EFCAB3: variants seen among roughly 807,000 people sequenced by gnomAD.
EFCAB3 encodes the protein EF-hand calcium binding domain 3, also known as EF-hand calcium-binding domain-containing protein 3.
EFCAB3 carries 36 observed loss-of-function variants against 42.2 expected under a neutral mutation model. That is an observed-to-expected ratio of 0.85 (90% CI 0.65 to 1.13). The LOEUF is 1.13. Among genes scored for constraint, EFCAB3 ranks in the 50% most tolerant of loss-of-function variants. The pLI, the probability that EFCAB3 is intolerant of heterozygous loss-of-function variation, is 0.00. For missense variants in EFCAB3, 418 were observed against 505.1 expected, an observed-to-expected ratio of 0.83 and a Z score of 1.65; for synonymous variants, 170 against 172.8, an observed-to-expected ratio of 0.98 and a Z score of 0.13.
At chr17:62,370,301 A>T (rs2070105559) in exon 1 of EFCAB3, 1 of 1,551,722 alleles carries the variant, frequency 6.4e-7, no homozygotes, top group African/African-American at 1.4e-5. Context: ...GAAGGAGTTG[A>T]TGCCTCATTT....
At chr17:62,403,360 A>G (rs1008617909) in intron 6 of EFCAB3, among the ~76,000 whole-genome samples, 1 of 152,150 alleles carries the variant, frequency 6.6e-6, no homozygotes, top group Non-Finnish European at 1.5e-5. Flanking sequence ...GAAAGTCACT[A>G]TCTTCTTGGA....
Position 62,406,737 on chromosome 17 carries a change from A to G in EFCAB3, c.682+64A>G. 1.9e-6 allele frequency: 3 copies of G among 1,549,680 alleles called. No homozygotes were observed. The South Asian group carries it at 3.6e-5, about 19-fold the overall frequency. The stretch of plus-strand genomic sequence containing the variant: ...TTTATTTGTATATGACTGGTCAGAA[A>G]GAAGTACTAGAGCCCAAATGGCATA... On this transcript the variant is annotated intron_variant, in intron 7 of 9. Coordinates refer to ENST00000305286, the MANE Select transcript of EFCAB3 (RefSeq NM_173503.4).
chr17:62,376,711 G>C (rs2070153618), upstream of EFCAB3, among the ~76,000 whole-genome samples: 1 of 152,096 alleles, frequency 6.6e-6, no homozygotes, highest in Non-Finnish European at 1.5e-5. Context: ...ACCTAAGCGT[G>C]ATAACGTGGA....
At chr17:62,382,738 G>A (rs991298392) in intron 1 of EFCAB3, among the ~76,000 whole-genome samples, 5 of 152,278 alleles carry the variant, frequency 3.3e-5, no homozygotes, top group Admixed American at 3.3e-4. Context: ...ACTAATTGAA[G>A]GGGGAGCAGT....
chr17:62,399,090 A>G (rs998020521), intron 6 of EFCAB3, among the ~76,000 whole-genome samples: 3 of 152,006 alleles, frequency 2.0e-5, no homozygotes, highest in East Asian at 1.9e-4. Context: ...CTTGACTCCT[A>G]CAGCACCAAA....
upstream of EFCAB3, chr17:62,380,424 C>A: frequency 1.3e-5 from 3 of 231,444 alleles, no homozygotes; most frequent in Non-Finnish European, 2.1e-5. Context: ...TCATATACAC[C>A]AAGGGTGCTG....
intron 1 of EFCAB3, 114 bp from the exon 2 acceptor site, chr17:62,382,849 A>G (rs1463538416): frequency 1.2e-6 from 1 of 802,150 alleles, no homozygotes; most frequent in Non-Finnish European, 1.9e-6. Context: ...ATCTATTACC[A>G]TTTCTTGAGG....
chr17:62,413,763 C>A lies in EFCAB3; in HGVS notation c.899C>A (p.Ser300Ter). 6.2e-7 allele frequency: 1 copy of A among 1,613,284 alleles called. No homozygotes were observed. The highest frequency in any genetic ancestry group is 8.5e-7 in the Non-Finnish European group (1 of 1,179,560). ...AATATAAAGTCTATGGACCCTGCCT[C>A]AGGTTATTCAAATAACATCTTCACC... ...AANIKSMDPASGYSNNIFTID... is the reference protein window; with the variant it reads ...AANIKSMDPA The change falls in exon 9 of 10, where the codon TCA (serine) becomes TAA (stop). Residue 300 changes from serine to a stop codon, truncating the protein, a stop_gained. Transcript: ENST00000305286. LOFTEE classifies it high-confidence loss of function.
intron 4 of EFCAB3, 141 bp downstream of exon 4, chr17:62,392,106 A>G (rs1036183844): frequency 2.3e-6 from 1 of 440,920 alleles, no homozygotes; most frequent in Non-Finnish European, 3.4e-6. Flanking sequence ...GTGTATATAT[A>G]TATTTGTATA....
rs2070449713 is a variant in EFCAB3 at position 62,406,553 on chromosome 17, AG to A, written c.564del (p.Thr189HisfsTer25). The A allele has an allele frequency of 6.2e-6, 10 of 1,613,998 alleles. No homozygotes were observed. Among genetic ancestry groups the A allele is most frequent in the Non-Finnish European group, 8.5e-6 (10 of 1,179,982 alleles). ...TCCCTACACTATGGGCTATGGAAAA[AG>A]GACACTTAAGCCAGACATATGCACA... The part of the protein sequence containing the change: ...WSPYTMGYGK[R>X]TLKPDICTPP... On this transcript the variant is annotated frameshift_variant, in exon 7 of 10. Transcript: ENST00000305286. LOFTEE classifies it high-confidence loss of function.
chr17:62,413,145 C>A (rs1281474543), intron 8 of EFCAB3, among the ~76,000 whole-genome samples: 4 of 152,108 alleles, frequency 2.6e-5, no homozygotes, highest in African/African-American at 9.7e-5. Flanking sequence ...TCCACTGCTT[C>A]AAGATCAAAA....
intron 5 of EFCAB3, among the ~76,000 whole-genome samples, chr17:62,394,509 T>G (rs1280182166): frequency 1.3e-5 from 2 of 152,130 alleles, no homozygotes; most frequent in African/African-American, 4.8e-5. Context: ...AGAAAATAAT[T>G]TTTCTATTAT....
chr17:62,380,499 T>A (rs2070187201), upstream of EFCAB3: 1 of 941,770 alleles, frequency 1.1e-6, no homozygotes, highest in African/African-American at 1.8e-5. Flanking sequence ...ATTCTCTCCC[T>A]AGGCTTGAGC....
intron 6 of EFCAB3, among the ~76,000 whole-genome samples, chr17:62,401,721 G>A (rs560155417): frequency 8.5e-5 from 13 of 152,234 alleles, no homozygotes; most frequent in African/African-American, 2.2e-4. Context: ...GTCAGGTAGC[G>A]TGATGCCTCC....
chr17:62,414,458 T>C (rs971223964), intron 9 of EFCAB3, among the ~76,000 whole-genome samples: 4 of 152,184 alleles, frequency 2.6e-5, no homozygotes, highest in African/African-American at 9.7e-5. Context: ...TGATGACTAT[T>C]TCTACCTCTA....
At chr17:62,409,054 T>G (rs940207449) in intron 8 of EFCAB3, among the ~76,000 whole-genome samples, 3 of 152,174 alleles carry the variant, frequency 2.0e-5, no homozygotes, top group African/African-American at 7.2e-5. Flanking sequence ...TACATGAATT[T>G]TCACTTTAAT....
chr17:62,385,922 T>C (rs1598008611), intron 2 of EFCAB3, among the ~76,000 whole-genome samples: 1 of 148,820 alleles, frequency 6.7e-6, no homozygotes, highest in Non-Finnish European at 1.5e-5. Context: ...AGAGGCGGGG[T>C]TTCACCATGT....
chr17:62,377,021 G>C (rs1394493198), upstream of EFCAB3, among the ~76,000 whole-genome samples: 1 of 152,090 alleles, frequency 6.6e-6, no homozygotes. Flanking sequence ...TAATATCCAG[G>C]AAGGGAGAAG....
intron 3 of EFCAB3, among the ~76,000 whole-genome samples, chr17:62,390,051 G>A (rs1252268086): frequency 1.3e-5 from 2 of 152,080 alleles, no homozygotes; most frequent in Admixed American, 6.6e-5. Context: ...CTCCCAAAGT[G>A]CTGGGATTAC....
Sources: gnomAD v4.1 joint callset for allele counts (sites outside exome capture counted in the v4.1 genomes callset) on GRCh38, gnomAD v4.1.1 for gene constraint, MANE v1.5 for transcripts, NCBI Gene and HGNC (gene_info 2026-07-23, HGNC 2026-07-21) for gene names.